Variants in ROR1 observed in about 807,000 individuals in gnomAD.
ROR1 encodes ROR family WNT receptor 1.
In ROR1, 19 loss-of-function variants were observed where a neutral mutation model predicts 78.8. The ratio of observed to expected loss-of-function variants is 0.24; its 90% CI spans 0.17 to 0.35. ROR1 has a LOEUF of 0.35. ROR1 is among the 10% of genes least tolerant of loss of function. The pLI is 1.00. For synonymous variants in ROR1, 386 were observed against 433.6 expected, an observed-to-expected ratio of 0.89 and a Z score of 1.36; for missense variants, 917 against 1,177.8, an observed-to-expected ratio of 0.78 and a Z score of 3.24.
At chr1:63,991,152 T>C (rs1646293233) in intron 1 of ROR1, among the ~76,000 whole-genome samples, 1 of 152,114 alleles carries the variant, frequency 6.6e-6, no homozygotes, top group Non-Finnish European at 1.5e-5. Context: ...GGTCTCACTA[T>C]GCTATCTAAG....
intron 7 of ROR1, among the ~76,000 whole-genome samples, chr1:64,156,048 G>A (rs1649760534): frequency 6.6e-6 from 1 of 152,136 alleles, no homozygotes; most frequent in Non-Finnish European, 1.5e-5. Flanking sequence ...GGAGATCAGA[G>A]AGATTGTTTC....
At chr1:63,883,320 T>C (rs186162866) in intron 1 of ROR1, among the ~76,000 whole-genome samples, 4 of 152,290 alleles carry the variant, frequency 2.6e-5, no homozygotes, top group African/African-American at 9.6e-5. Context: ...GTGTCTCTTG[T>C]TGGGGCAGGT....
chr1:63,799,632 T>C (rs1035444861), intron 1 of ROR1, among the ~76,000 whole-genome samples: 1 of 141,250 alleles, frequency 7.1e-6, no homozygotes, highest in African/African-American at 3.1e-5. Context: ...AACACCCATT[T>C]TTCCTCTCCT....
intron 4 of ROR1, among the ~76,000 whole-genome samples, chr1:64,061,287 G>C (rs1646915496): frequency 6.6e-6 from 1 of 152,144 alleles, no homozygotes; most frequent in African/African-American, 2.4e-5. Flanking sequence ...TTAAGTCACA[G>C]AAATGGGTGT....
intron 1 of ROR1, among the ~76,000 whole-genome samples, chr1:63,815,481 TTTC>T (rs200573856): frequency 0.058 from 8,041 of 139,274 alleles, 842 homozygotes; most frequent in African/African-American, 0.24. Context: ...TTCTTTTCTT[TTTC>T]TTTTTTTTTT....
Position 64,118,854 on chromosome 1 carries a change from A to G in ROR1, c.483-18515A>G, listed in dbSNP as rs545418001. Among the ~76,000 whole-genome samples, 6 of 152,212 alleles carry G rather than the reference A, an allele frequency of 3.9e-5. No individual in the cohort carries two copies. The East Asian group carries it at 1.2e-3, about 29-fold the overall frequency. ...TGTGACTCATAGATAAAAGCTGTTG[A>G]TATTTCAACTGTTCTGGGCTATGGA... On this transcript the variant is annotated intron_variant, in intron 4 of 8. Transcript: ENST00000371079.
intron 2 of ROR1, among the ~76,000 whole-genome samples, chr1:64,020,999 C>G (rs1646560262): frequency 1.3e-5 from 2 of 150,548 alleles, no homozygotes; most frequent in African/African-American, 4.9e-5. Context: ...ATCTCTTTGT[C>G]TGGGTTTATT....
chr1:63,863,408 C>T (rs1489432548), intron 1 of ROR1, among the ~76,000 whole-genome samples: 1 of 152,094 alleles, frequency 6.6e-6, no homozygotes, highest in African/African-American at 2.4e-5. Context: ...CTGGCCCTTA[C>T]ACACAGGGTC....
At chr1:64,082,026 A>C (rs1002867291) in intron 4 of ROR1, among the ~76,000 whole-genome samples, 4 of 152,180 alleles carry the variant, frequency 2.6e-5, no homozygotes, top group African/African-American at 9.6e-5. Context: ...ATTGAGAAAC[A>C]CTGATTTACA....
intron 4 of ROR1, among the ~76,000 whole-genome samples, chr1:64,121,783 A>G (rs538507835): frequency 6.6e-6 from 1 of 152,332 alleles, no homozygotes; most frequent in South Asian, 2.1e-4. Flanking sequence ...GTGGCTACTC[A>G]TAGCAAGCAC....
chr1:64,073,794 TC>T (rs1031929413), intron 4 of ROR1, among the ~76,000 whole-genome samples: 1 of 152,086 alleles, frequency 6.6e-6, no homozygotes, highest in African/African-American at 2.4e-5. Flanking sequence ...ACACTGGGTT[TC>T]CCCCCTGTTC....
At chr1:64,171,863 T>G (rs1650253087) in intron 8 of ROR1, among the ~76,000 whole-genome samples, 1 of 152,232 alleles carries the variant, frequency 6.6e-6, no homozygotes, top group Non-Finnish European at 1.5e-5. Context: ...GGCTTCATGT[T>G]GCATACAAAT....
In ROR1 at chr1:64,083,751, A is replaced by G. The variant is rs78567195; in HGVS notation, c.482+33035A>G. On this transcript the variant is annotated intron_variant, in intron 4 of 8. Coordinates refer to ENST00000371079, the MANE Select transcript of ROR1 (RefSeq NM_005012.4). ...AGAAGATGGCAGAAATGACAGAGAT[A>G]TAAGGGGTGAGAGTGAAGAACCTCA... Among the ~76,000 whole-genome samples the G allele has an allele frequency of 3.8e-3, 572 of 152,324 alleles. 2 individuals are homozygous for G. Among genetic ancestry groups the G allele is most frequent in the African/African-American group, 0.013 (542 of 41,566 alleles).
chr1:63,824,565 T>C (rs1021210351), intron 1 of ROR1, among the ~76,000 whole-genome samples: 1 of 152,186 alleles, frequency 6.6e-6, no homozygotes, highest in African/African-American at 2.4e-5. Flanking sequence ...GCTTTGAGGC[T>C]TTGAGGAGCT....
At chr1:63,951,626 G>C (rs981059771) in intron 1 of ROR1, among the ~76,000 whole-genome samples, 3 of 152,156 alleles carry the variant, frequency 2.0e-5, no homozygotes, top group Admixed American at 6.5e-5. Context: ...TGAAGATGAC[G>C]TTCTGGGCTC....
rs1368102760 is a variant in ROR1, at chr1:63,961,660, G to A, written c.92-47645G>A. On this transcript the variant is annotated intron_variant, in intron 1 of 8. Coordinates refer to ENST00000371079, the MANE Select transcript of ROR1 (RefSeq NM_005012.4). ...GTTGATCTCTTAGAAGCAGAGAGTAGAATCGTGGTTACCAGAGGCTGGGAA... is the reference window on the plus strand; with the variant it reads ...GTTGATCTCTTAGAAGCAGAGAGTAAAATCGTGGTTACCAGAGGCTGGGAA... Among the ~76,000 whole-genome samples the A allele has an allele frequency of 3.9e-5, 6 of 152,296 alleles. No homozygotes were observed. In the South Asian group the frequency reaches 6.2e-4, roughly 16 times the overall value.
At chr1:64,174,441 C>T (rs1367348482) in intron 8 of ROR1, among the ~76,000 whole-genome samples, 2 of 152,098 alleles carry the variant, frequency 1.3e-5, no homozygotes, top group Non-Finnish European at 2.9e-5. Flanking sequence ...TTATAGGAGT[C>T]CAAAGCTCAC....
At chr1:63,886,774 T>C (rs779375872) in intron 1 of ROR1, among the ~76,000 whole-genome samples, 3 of 151,278 alleles carry the variant, frequency 2.0e-5, no homozygotes, top group Admixed American at 6.6e-5. Context: ...AAACCCTCCA[T>C]ACTCGACCAC....
intron 4 of ROR1, among the ~76,000 whole-genome samples, chr1:64,128,874 T>A (rs1003020293): frequency 1.3e-5 from 2 of 152,082 alleles, no homozygotes; most frequent in African/African-American, 4.8e-5. Flanking sequence ...GTAAGGATAT[T>A]GTAAAGATGC....
Sources: allele counts gnomAD v4.1 joint callset (sites outside exome capture counted in the v4.1 genomes callset), GRCh38; gene constraint gnomAD v4.1.1; transcripts MANE v1.5; gene names NCBI Gene and HGNC (gene_info 2026-07-23, HGNC 2026-07-21).